Variants in SLC4A4 observed in about 807,000 individuals in gnomAD.
The protein encoded by SLC4A4 is solute carrier family 4 member 4, also known as electrogenic sodium bicarbonate cotransporter 1.
SLC4A4 carries 27 observed loss-of-function variants against 111.5 expected under a neutral mutation model. The ratio of observed to expected loss-of-function variants is 0.24; its 90% CI spans 0.18 to 0.33. The LOEUF (loss-of-function observed/expected upper bound fraction) is 0.33, where lower values mean the gene tolerates loss of function less well. SLC4A4 is among the 10% of genes least tolerant of loss of function. The pLI is 1.00. For missense variants in SLC4A4, 909 were observed against 1,315.5 expected (o/e 0.69, Z 4.78); for synonymous variants, 443 against 463.4 (o/e 0.96, Z 0.57).
At chr4:71,087,974 C>T (rs943457283) in intron 1 of SLC4A4, among the ~76,000 whole-genome samples, 2 of 151,948 alleles carry the variant, frequency 1.3e-5, no homozygotes, top group East Asian at 3.8e-4. Flanking sequence ...AACTTTCTGT[C>T]TCATTCATCT....
At chr4:71,232,555 G>A (rs1357594863) in intron 1 of SLC4A4, among the ~76,000 whole-genome samples, 1 of 152,028 alleles carries the variant, frequency 6.6e-6, no homozygotes, top group Non-Finnish European at 1.5e-5. Context: ...GGGACAACAG[G>A]TGCACACCAC....
chr4:71,407,426 A>G (rs1720964227), intron 7 of SLC4A4, among the ~76,000 whole-genome samples: 1 of 152,216 alleles, frequency 6.6e-6, no homozygotes, highest in Non-Finnish European at 1.5e-5. Context: ...TTAGCTGATT[A>G]TTCACACCGA....
chr4:71,562,762 A>G lies in SLC4A4; in HGVS notation c.3100-1031A>G, dbSNP rs542787629. 5.9e-5 allele frequency among the ~76,000 whole-genome samples: 9 copies of G among 151,528 alleles called. No individual in the cohort carries two copies. The East Asian group carries it at 1.6e-3, about 26-fold the overall frequency. On this transcript the variant is annotated intron_variant, in intron 23 of 25. Coordinates refer to ENST00000264485, the MANE Select transcript of SLC4A4 (RefSeq NM_001098484.3). ...TAGCCCCTTTACATTTAAGATTAAT[A>G]TTGTTTATGTGTGGCATCTTTATTT...
chr4:71,532,462 T>C (rs552552900), intron 17 of SLC4A4, among the ~76,000 whole-genome samples: 5 of 152,128 alleles, frequency 3.3e-5, no homozygotes, highest in Admixed American at 3.3e-4. Context: ...ATTACCTTGA[T>C]CTATATAATG....
chr4:71,550,632 G>A (rs1259303215), intron 20 of SLC4A4, among the ~76,000 whole-genome samples: 1 of 151,770 alleles, frequency 6.6e-6, no homozygotes, highest in Non-Finnish European at 1.5e-5. Context: ...CTTTGAAAGG[G>A]CAGATCAAAT....
intron 3 of SLC4A4, chr4:71,338,916 G>A (rs557318843): frequency 6.2e-6 from 3 of 485,056 alleles, no homozygotes; most frequent in Admixed American, 7.3e-5. Flanking sequence ...ATTGGACAGA[G>A]GGAGGGTGGG....
chr4:71,440,529 C>A (rs1724620618), intron 7 of SLC4A4, 87 bp from the exon 8 acceptor site: 6 of 1,467,442 alleles, frequency 4.1e-6, no homozygotes, highest in African/African-American at 2.8e-5. Flanking sequence ...ATGGGAAGGC[C>A]CTTTTTGTTC....
At chr4:71,362,046 G>C (rs1489506114) in intron 6 of SLC4A4, among the ~76,000 whole-genome samples, 3 of 152,030 alleles carry the variant, frequency 2.0e-5, no homozygotes, top group Non-Finnish European at 1.5e-5. Flanking sequence ...TGACTTTAAG[G>C]ACCAAAACCA....
chr4:71,160,310 TGTGTCTGGGTGA>T (rs1188804003), intron 2 of SLC4A4, among the ~76,000 whole-genome samples: 1 of 151,512 alleles, frequency 6.6e-6, no homozygotes, highest in Non-Finnish European at 1.5e-5. Context: ...ATCTTATTCA[TGTGTCTGGGTGA>T]GTGTTAACTC....
chr4:71,229,053 A>T (rs1209355224), intron 1 of SLC4A4, among the ~76,000 whole-genome samples: 1 of 152,200 alleles, frequency 6.6e-6, no homozygotes, highest in Admixed American at 6.5e-5. Context: ...TACCCTTGTT[A>T]ACAACAAATA....
chr4:71,209,495 A>G (rs1167462716), intron 1 of SLC4A4, among the ~76,000 whole-genome samples: 1 of 152,176 alleles, frequency 6.6e-6, no homozygotes, highest in Non-Finnish European at 1.5e-5. Flanking sequence ...CTTAGATCAC[A>G]TTGTTGCAGC....
chr4:71,413,404 T>C (rs1721562409), intron 7 of SLC4A4, among the ~76,000 whole-genome samples: 1 of 152,198 alleles, frequency 6.6e-6, no homozygotes, highest in Non-Finnish European at 1.5e-5. Flanking sequence ...CAACTGTCTT[T>C]CTGCAACTGG....
intron 1 of SLC4A4, among the ~76,000 whole-genome samples, chr4:71,090,019 C>T (rs897781590): frequency 6.6e-6 from 1 of 151,370 alleles, no homozygotes; most frequent in Non-Finnish European, 1.5e-5. Flanking sequence ...GCAGGCAGGC[C>T]TCCTGGAGCT....
chr4:71,432,206 G>A (rs1216965164), intron 7 of SLC4A4, among the ~76,000 whole-genome samples: 2 of 152,100 alleles, frequency 1.3e-5, no homozygotes, highest in African/African-American at 4.8e-5. Flanking sequence ...AACAGAAGAG[G>A]ATTATGGTCA....
At chr4:71,550,561 T>G (rs1735897780) in intron 20 of SLC4A4, among the ~76,000 whole-genome samples, 1 of 151,940 alleles carries the variant, frequency 6.6e-6, no homozygotes, top group African/African-American at 2.4e-5. Flanking sequence ...CCTTTGTGAC[T>G]ATGTGTTTTT....
At chr4:71,228,419 C>G (rs1719185469) in intron 1 of SLC4A4, among the ~76,000 whole-genome samples, 1 of 152,184 alleles carries the variant, frequency 6.6e-6, no homozygotes, top group Non-Finnish European at 1.5e-5. Context: ...TATTAATACT[C>G]TATTCTCTGG....
intron 20 of SLC4A4, among the ~76,000 whole-genome samples, chr4:71,554,515 T>G (rs138699176): frequency 6.6e-6 from 1 of 151,998 alleles, no homozygotes; most frequent in East Asian, 2.0e-4. Flanking sequence ...TTAATTCAGT[T>G]TTAAAAGATG....
At chr4:71,276,344 A>G (rs1723066450) in intron 3 of SLC4A4, among the ~76,000 whole-genome samples, 2 of 152,306 alleles carry the variant, frequency 1.3e-5, no homozygotes, top group South Asian at 2.1e-4. Context: ...ATGTAGTTAC[A>G]TATAATTTTG....
At chr4:71,166,253 G>A (rs1004018335) in intron 2 of SLC4A4, among the ~76,000 whole-genome samples, 1 of 152,174 alleles carries the variant, frequency 6.6e-6, no homozygotes, top group African/African-American at 2.4e-5. Flanking sequence ...GATTGTTGTA[G>A]AGGCAAAACA....
Sources: allele counts gnomAD v4.1 joint callset (sites outside exome capture counted in the v4.1 genomes callset), GRCh38; gene constraint gnomAD v4.1.1; transcripts MANE v1.5; gene names NCBI Gene and HGNC (gene_info 2026-07-23, HGNC 2026-07-21).